Variants in MTA3 observed in about 807,000 individuals in gnomAD.
The protein encoded by MTA3 is metastasis-associated protein MTA3.
In MTA3, 34 loss-of-function variants were observed where a neutral mutation model predicts 83.5. The ratio of observed to expected loss-of-function variants is 0.41; its 90% CI spans 0.31 to 0.54. The LOEUF is 0.54. Ranked by LOEUF, MTA3 falls within the 20% of genes least tolerant of loss-of-function variation. MTA3 has a pLI of 0.33. For synonymous variants in MTA3, 303 were observed against 252.7 expected (o/e 1.20, Z -1.89); for missense variants, 761 against 726.4 (o/e 1.05, Z -0.55).
intron 4 of MTA3, among the ~76,000 whole-genome samples, chr2:42,628,206 T>TTTTTTTTATTTATTTA (rs370733948): frequency 1.4e-5 from 2 of 142,522 alleles, no homozygotes; most frequent in African/African-American, 5.2e-5. Flanking sequence ...CTTCTTATCG[T>TTTTTTTTATTTATTTA]TTTATTTATT....
intron 4 of MTA3, among the ~76,000 whole-genome samples, chr2:42,613,153 A>G (rs755544961): frequency 5.3e-5 from 8 of 152,212 alleles, no homozygotes; most frequent in Non-Finnish European, 7.3e-5. Flanking sequence ...TAGAAATTAC[A>G]TAGTCTACAT....
rs940796129 is a variant in MTA3, at chr2:42,692,871, G to A, written c.892-2894G>A. Among the ~76,000 whole-genome samples, 3 of 152,226 alleles carry A rather than the reference G, an allele frequency of 2.0e-5. No homozygotes were observed. In the East Asian group the frequency reaches 5.8e-4, roughly 29 times the overall value. ...TTCGTTAGTGTCTGAGCATTGAAGA[G>A]TTAGGTATTTACTGTAGTCTTCACA... On this transcript the variant is annotated intron_variant, in intron 9 of 16. Transcript: ENST00000405094.
chr2:42,717,218 C>G (rs1441681020), intron 14 of MTA3, among the ~76,000 whole-genome samples: 1 of 145,418 alleles, frequency 6.9e-6, no homozygotes, highest in Non-Finnish European at 1.5e-5. Context: ...TCCAGACTTG[C>G]ACATTTTAAC....
In MTA3 at chr2:42,742,862, T is replaced by A. The variant is rs1342079614; in HGVS notation, c.1760-10512T>A. ...ATTTCTTACCTAAAAATATGATTTT[T>A]AAAATATGACTTATGGATTTGCTTG... is the stretch of plus-strand genomic sequence containing the variant. On this transcript the variant is annotated intron_variant, in intron 16 of 16. Coordinates refer to ENST00000405094, the MANE Select transcript of MTA3 (RefSeq NM_001330442.2). 2.0e-5 allele frequency among the ~76,000 whole-genome samples: 3 copies of A among 152,254 alleles called. No homozygotes were observed. In the East Asian group the frequency reaches 5.8e-4, roughly 29 times the overall value.
chr2:42,633,319 C>T (rs1429947799), intron 4 of MTA3, among the ~76,000 whole-genome samples: 1 of 151,434 alleles, frequency 6.6e-6, no homozygotes, highest in East Asian at 1.9e-4. Context: ...TTTGATGGCT[C>T]ATGCCTGTAA....
chr2:42,494,667 T>A (rs1234203859), exon 1 of MTA3: 8 of 152,224 alleles, frequency 5.3e-5, no homozygotes. Flanking sequence ...GCGCCTAACG[T>A]GTAGCGCGCC....
intron 2 of MTA3, among the ~76,000 whole-genome samples, chr2:42,499,044 T>A (rs1353805197): frequency 6.6e-6 from 1 of 151,956 alleles, no homozygotes; most frequent in Non-Finnish European, 1.5e-5. Context: ...TACAGGGAGG[T>A]ATAAGTCAAA....
chr2:42,610,480 A>G (rs1473882814), intron 4 of MTA3, among the ~76,000 whole-genome samples: 1 of 152,222 alleles, frequency 6.6e-6, no homozygotes, highest in Non-Finnish European at 1.5e-5. Flanking sequence ...CCACCCTTCC[A>G]TTAATTAAAT....
intron 8 of MTA3, among the ~76,000 whole-genome samples, chr2:42,661,706 T>C (rs1449344694): frequency 2.6e-5 from 4 of 152,100 alleles, no homozygotes; most frequent in Non-Finnish European, 5.9e-5. Context: ...CAGAGTAGAA[T>C]GTTCTTACTG....
intron 2 of MTA3, among the ~76,000 whole-genome samples, chr2:42,575,099 C>T (rs918081516): frequency 2.0e-5 from 3 of 152,210 alleles, no homozygotes; most frequent in African/African-American, 7.2e-5. Context: ...CCCTCTCTGA[C>T]CTCCACTTTC....
intron 11 of MTA3, among the ~76,000 whole-genome samples, chr2:42,699,675 C>T (rs953508239): frequency 6.6e-6 from 1 of 151,988 alleles, no homozygotes; most frequent in Non-Finnish European, 1.5e-5. Flanking sequence ...GTTTCTGGCA[C>T]AGTGAAGTGG....
intron 16 of MTA3, among the ~76,000 whole-genome samples, chr2:42,742,780 A>T (rs951669994): frequency 6.6e-6 from 1 of 152,208 alleles, no homozygotes; most frequent in African/African-American, 2.4e-5. Flanking sequence ...AACCATTTTT[A>T]TAGTCCTGAG....
At position 42,755,961 on chromosome 2, in the gene MTA3, C is replaced by T. The variant is rs1670211509; in HGVS notation, c.*2562C>T. 4 of 985,418 alleles carry T rather than the reference C, an allele frequency of 4.1e-6. No homozygotes were observed. Among genetic ancestry groups the T allele is most frequent in the Non-Finnish European group, 4.8e-6 (4 of 830,006 alleles). 61.0% of individuals were successfully genotyped at this position (985,418 alleles called of 1,614,324 possible). On this transcript the variant is annotated 3_prime_UTR_variant, in exon 17 of 17. Transcript: ENST00000405094. ...ACTGGAGGGTGTCGCCGGAAGGTTT[C>T]AGCCTGCCCTTCACAATTCCCCTTG... is the stretch of plus-strand genomic sequence containing the variant.
chr2:42,548,457 C>G (rs1364036052), intron 2 of MTA3, among the ~76,000 whole-genome samples: 1 of 151,694 alleles, frequency 6.6e-6, no homozygotes, highest in African/African-American at 2.4e-5. Context: ...CAAAGCAAGA[C>G]TCCGTCTCAA....
chr2:42,649,999 C>T, intron 6 of MTA3, among the ~76,000 whole-genome samples: 1 of 152,074 alleles, frequency 6.6e-6, no homozygotes. Flanking sequence ...TACCAACTCT[C>T]CTAGGTTTTG....
Position 42,634,923 on chromosome 2 carries a change from T to C in MTA3, c.318-5250T>C, listed in dbSNP as rs149881420. ...TAACTTAGTAAACAGTCTTTGTGTT[T>C]TATGAACATGTCAGTATTATGTATT... On this transcript the variant is annotated intron_variant, in intron 4 of 16. Transcript: ENST00000405094. Among the ~76,000 whole-genome samples the C allele has an allele frequency of 4.4e-3, 664 of 152,368 alleles. 1 individual carries two copies. The highest frequency in any genetic ancestry group is 7.3e-3 in the Non-Finnish European group (499 of 68,034).
At chr2:42,702,025 A>T (rs1157149934) in intron 11 of MTA3, among the ~76,000 whole-genome samples, 1 of 152,194 alleles carries the variant, frequency 6.6e-6, no homozygotes, top group African/African-American at 2.4e-5. Context: ...AGCCTGGCCA[A>T]CATGGTGAAA....
intron 4 of MTA3, among the ~76,000 whole-genome samples, chr2:42,615,744 G>A (rs560321986): frequency 4.5e-3 from 177 of 39,666 alleles, no homozygotes; most frequent in Middle Eastern, 0.059. Flanking sequence ...TTTTTGAGAC[G>A]GAGTCTCGCT....
In MTA3 at chr2:42,755,951, C is replaced by T. The variant is rs1426802425; in HGVS notation, c.*2552C>T. On this transcript the variant is annotated 3_prime_UTR_variant, in exon 17 of 17. Transcript: ENST00000405094. ...AGGAGGGCCGACTGGAGGGTGTCGC[C>T]GGAAGGTTTCAGCCTGCCCTTCACA... 9.1e-6 allele frequency: 9 copies of T among 985,372 alleles called. No individual in the cohort carries two copies. Among genetic ancestry groups the T allele is most frequent in the African/African-American group, 1.7e-5 (1 of 57,226 alleles). The allele number at this position is 985,372 out of a possible 1,614,324, so 61.0% of individuals were successfully genotyped here.
Sources: gnomAD v4.1 joint callset for allele counts (sites outside exome capture counted in the v4.1 genomes callset) on GRCh38, gnomAD v4.1.1 for gene constraint, MANE v1.5 for transcripts, NCBI Gene and HGNC (gene_info 2026-07-23, HGNC 2026-07-21) for gene names.